The following CLSTN2 variants were observed in gnomAD, a reference collection of about 807,000 sequenced individuals.
The protein encoded by CLSTN2 is calsyntenin-2.
In CLSTN2, 48 loss-of-function variants were observed where a neutral mutation model predicts 101.2. The ratio of observed to expected loss-of-function variants is 0.47; its 90% CI spans 0.38 to 0.60. The LOEUF is 0.60. Ranked by LOEUF, CLSTN2 falls within the 20% of genes least tolerant of loss-of-function variation. CLSTN2 has a pLI of 0.00. For synonymous variants in CLSTN2, 481 were observed against 463.6 expected (o/e 1.04, Z -0.48); for missense variants, 1,160 against 1,238.2 (o/e 0.94, Z 0.95).
chr3:140,138,641 T>A (rs1457586665), intron 1 of CLSTN2, among the ~76,000 whole-genome samples: 1 of 152,194 alleles, frequency 6.6e-6, no homozygotes, highest in African/African-American at 2.4e-5. Context: ...GGAAAGCACA[T>A]GGACACTCCC....
chr3:139,981,458 A>G (rs1447971051), intron 1 of CLSTN2, among the ~76,000 whole-genome samples: 2 of 152,192 alleles, frequency 1.3e-5, no homozygotes, highest in South Asian at 2.1e-4. Context: ...ATCATTGCCT[A>G]TTCTTCAAGA....
intron 1 of CLSTN2, among the ~76,000 whole-genome samples, chr3:140,000,320 G>T (rs932691772): frequency 4.6e-5 from 7 of 152,154 alleles, no homozygotes. Flanking sequence ...TATTTAGTTA[G>T]CACTTATTAA....
At chr3:140,520,332 G>T (rs370229742) in intron 8 of CLSTN2, among the ~76,000 whole-genome samples, 3 of 152,338 alleles carry the variant, frequency 2.0e-5, no homozygotes, top group East Asian at 3.9e-4. Flanking sequence ...AAAGGAAAGA[G>T]ATTTAATTGA....
chr3:140,465,610 C>T (rs574047571), intron 7 of CLSTN2, among the ~76,000 whole-genome samples: 53 of 152,222 alleles, frequency 3.5e-4, no homozygotes, highest in Non-Finnish European at 6.2e-4. Context: ...CCCACCTAAA[C>T]TGTATAGGCA....
rs538471727 is a variant in CLSTN2, at chr3:140,339,786, T to C, written c.233-63843T>C. On this transcript the variant is annotated intron_variant, in intron 2 of 16. Coordinates refer to ENST00000458420, the MANE Select transcript of CLSTN2 (RefSeq NM_022131.3). ...ATGACATGGTTAATGAACACTGTTA[T>C]AGTGGCCGAACTGTGCTTAGTCATA... Among the ~76,000 whole-genome samples the C allele has an allele frequency of 4.6e-5, 7 of 152,378 alleles. No homozygotes were observed. In the South Asian group the frequency reaches 1.5e-3, roughly 32 times the overall value.
chr3:140,424,355 A>G (rs1025561405), intron 5 of CLSTN2, among the ~76,000 whole-genome samples: 1 of 152,148 alleles, frequency 6.6e-6, no homozygotes, highest in East Asian at 1.9e-4. Flanking sequence ...CCTTTCTAGC[A>G]TTCCTGTCCC....
At chr3:139,994,392 C>T (rs952866195) in intron 1 of CLSTN2, among the ~76,000 whole-genome samples, 11 of 152,206 alleles carry the variant, frequency 7.2e-5, no homozygotes, top group African/African-American at 2.7e-4. Flanking sequence ...CCTTGGTAGT[C>T]ATCATACCCA....
intron 1 of CLSTN2, among the ~76,000 whole-genome samples, chr3:140,013,601 A>G (rs563339897): frequency 1.3e-5 from 2 of 152,358 alleles, no homozygotes; most frequent in South Asian, 4.1e-4. Context: ...ACACAATGCT[A>G]CATCACAGAA....
At chr3:140,188,783 A>G (rs2010517124) in intron 2 of CLSTN2, among the ~76,000 whole-genome samples, 1 of 152,190 alleles carries the variant, frequency 6.6e-6, no homozygotes, top group Admixed American at 6.5e-5. Flanking sequence ...TTATGTGTAT[A>G]CCTTACTCAG....
At chr3:140,472,886 A>G (rs1175714674) in intron 8 of CLSTN2, among the ~76,000 whole-genome samples, 1 of 152,154 alleles carries the variant, frequency 6.6e-6, no homozygotes, top group East Asian at 1.9e-4. Flanking sequence ...CCCATGATAT[A>G]TATGGCTTCC....
intron 1 of CLSTN2, among the ~76,000 whole-genome samples, chr3:139,971,335 T>C (rs181320788): frequency 1.1e-4 from 17 of 152,354 alleles, no homozygotes; most frequent in African/African-American, 4.1e-4. Flanking sequence ...AAATATCTAT[T>C]TGAGCCTGAG....
chr3:140,277,618 C>T (rs1273037922), intron 2 of CLSTN2, among the ~76,000 whole-genome samples: 1 of 152,074 alleles, frequency 6.6e-6, no homozygotes, highest in Non-Finnish European at 1.5e-5. Context: ...TTGAATTATA[C>T]CAACGATTAA....
intron 2 of CLSTN2, among the ~76,000 whole-genome samples, chr3:140,197,626 G>T (rs1193472115): frequency 6.6e-6 from 1 of 152,120 alleles, no homozygotes. Flanking sequence ...TCAGAAGCTT[G>T]TTAACAATGT....
intron 5 of CLSTN2, among the ~76,000 whole-genome samples, chr3:140,425,456 G>A (rs762237210): frequency 1.3e-5 from 2 of 152,150 alleles, no homozygotes; most frequent in Non-Finnish European, 2.9e-5. Context: ...CGGCTCTTCC[G>A]CTGCCTGCCT....
intron 1 of CLSTN2, among the ~76,000 whole-genome samples, chr3:139,995,230 C>T (rs948438538): frequency 2.0e-5 from 3 of 152,166 alleles, no homozygotes; most frequent in Non-Finnish European, 4.4e-5. Context: ...CCAGTCTTCC[C>T]TCAGGGACCC....
At chr3:140,315,582 C>T (rs1210437838) in intron 2 of CLSTN2, among the ~76,000 whole-genome samples, 2 of 152,152 alleles carry the variant, frequency 1.3e-5, no homozygotes, top group East Asian at 3.8e-4. Context: ...AATGTGAGAC[C>T]TTCCATTGTT....
chr3:140,323,426 T>C (rs545429768), intron 2 of CLSTN2, among the ~76,000 whole-genome samples: 6 of 152,344 alleles, frequency 3.9e-5, no homozygotes, highest in East Asian at 1.9e-4. Context: ...GCTCCACACA[T>C]GCACATCTCA....
intron 1 of CLSTN2, among the ~76,000 whole-genome samples, chr3:139,978,347 G>A (rs1049493288): frequency 5.3e-5 from 8 of 152,176 alleles, no homozygotes; most frequent in Non-Finnish European, 1.0e-4. Flanking sequence ...TCTCTGATAT[G>A]TGAGAGCGTG....
intron 4 of CLSTN2, among the ~76,000 whole-genome samples, chr3:140,406,801 C>T (rs1017330622): frequency 1.3e-5 from 2 of 152,214 alleles, no homozygotes; most frequent in African/African-American, 2.4e-5. Context: ...TATCTGTGCT[C>T]AGTGGTCAAG....
Sources: gnomAD v4.1 joint callset for allele counts (sites outside exome capture counted in the v4.1 genomes callset) on GRCh38, gnomAD v4.1.1 for gene constraint, MANE v1.5 for transcripts, NCBI Gene and HGNC (gene_info 2026-07-23, HGNC 2026-07-21) for gene names.